LNX1: variants seen among roughly 807,000 people sequenced by gnomAD.
LNX1 encodes the protein E3 ubiquitin-protein ligase LNX.
A neutral mutation model predicts 68.4 loss-of-function variants in LNX1; 54 were observed. The ratio of observed to expected loss-of-function variants is 0.79; its 90% confidence interval spans 0.63 to 0.99. The LOEUF (loss-of-function observed/expected upper bound fraction) is 0.99, where lower values mean the gene tolerates loss of function less well. Ranked by LOEUF, LNX1 falls within the 50% of genes least tolerant of loss-of-function variation. The probability of loss-of-function intolerance (pLI) is 0.00; values close to 1 mark genes in which losing one functional copy is unlikely to be tolerated. For missense variants in LNX1, 906 were observed against 926.4 expected, an observed-to-expected ratio of 0.98 and a Z score of 0.29; for synonymous variants, 336 against 350.0, an observed-to-expected ratio of 0.96 and a Z score of 0.45.
intron 2 of LNX1, among the ~76,000 whole-genome samples, chr4:53,541,323 CAA>C (rs202114434): frequency 6.6e-6 from 1 of 151,174 alleles, no homozygotes; most frequent in Non-Finnish European, 1.5e-5. Flanking sequence ...AAGATCATGT[CAA>C]AAAAAAGAGG....
chr4:53,490,520 T>C (rs986303162), intron 6 of LNX1, among the ~76,000 whole-genome samples: 4 of 149,032 alleles, frequency 2.7e-5, no homozygotes, highest in Non-Finnish European at 6.0e-5. Flanking sequence ...AGGCTGCTGC[T>C]GAGTAAGCTG....
rs1721837650 is a variant in LNX1, at chr4:53,460,685, A to C, written c.*222T>G. The C allele has an allele frequency of 2.1e-6, 1 of 475,700 alleles. No individual in the cohort carries two copies. The highest frequency in any genetic ancestry group is 3.6e-6 in the Non-Finnish European group (1 of 274,180). The allele number at this position is 475,700 out of a possible 1,614,324, so 29.5% of individuals were successfully genotyped here. A position where few individuals can be genotyped will look rare whatever the true frequency, so the allele number is the denominator to read the frequency against. On this transcript the variant is annotated 3_prime_UTR_variant, in exon 11 of 11. Transcript: ENST00000263925. ...AGAAAAAATATAAACAATGTTGTAG[A>C]GTAATGAGAAATCCTCCACACTGAA...
At position 53,527,441 on chromosome 4, in the gene LNX1, C is replaced by A. The variant is rs79272461; in HGVS notation, c.381-19214G>T. On this transcript the variant is annotated intron_variant, in intron 2 of 10. Transcript: ENST00000263925. ...GTGAGTTTGCATGAATTCCCCCACA[C>A]CCATAATTAGTCTCTACGAGCCTGG... Among the ~76,000 whole-genome samples the A allele has an allele frequency of 4.9e-3, 749 of 152,266 alleles. 7 individuals are homozygous for A. The highest frequency in any genetic ancestry group is 0.017 in the African/African-American group (707 of 41,554).
At chr4:53,511,279 G>A (rs1726314976) in intron 2 of LNX1, among the ~76,000 whole-genome samples, 1 of 152,208 alleles carries the variant, frequency 6.6e-6, no homozygotes, top group South Asian at 2.1e-4. Context: ...TATCTCTTTT[G>A]TGGTGACTAA....
intron 6 of LNX1, among the ~76,000 whole-genome samples, chr4:53,494,577 C>A (rs764809077): frequency 5.3e-5 from 8 of 152,206 alleles, no homozygotes; most frequent in Non-Finnish European, 1.2e-4. Context: ...CCTGCGCCTG[C>A]ATCAGCATCA....
chr4:53,612,103 A>C (rs942247536), intron 2 of LNX1, among the ~76,000 whole-genome samples: 1 of 152,254 alleles, frequency 6.6e-6, no homozygotes, highest in African/African-American at 2.4e-5. Flanking sequence ...AGAAAAGCAC[A>C]TACGAAGGGT....
chr4:53,572,203 C>A (rs879244444), intron 2 of LNX1, among the ~76,000 whole-genome samples: 1 of 152,134 alleles, frequency 6.6e-6, no homozygotes, highest in African/African-American at 2.4e-5. Context: ...TCTTTCCCAC[C>A]AACGTCTCCC....
intron 1 of LNX1, among the ~76,000 whole-genome samples, chr4:53,649,987 G>A (rs1735032296): frequency 6.6e-6 from 1 of 152,178 alleles, no homozygotes; most frequent in Non-Finnish European, 1.5e-5. Flanking sequence ...AAAAGGAGCA[G>A]GGACTGCCCA....
chr4:53,468,621 G>C (rs1722886715), intron 9 of LNX1, among the ~76,000 whole-genome samples: 1 of 152,032 alleles, frequency 6.6e-6, no homozygotes, highest in Non-Finnish European at 1.5e-5. Flanking sequence ...ACACACATAG[G>C]CTCAAATAAA....
intron 2 of LNX1, among the ~76,000 whole-genome samples, chr4:53,542,639 C>T (rs1434383541): frequency 1.3e-5 from 2 of 151,992 alleles, no homozygotes; most frequent in African/African-American, 4.8e-5. Context: ...GGTACATCTG[C>T]AATTAGAGAA....
intron 9 of LNX1, among the ~76,000 whole-genome samples, chr4:53,466,667 C>T (rs1722707338): frequency 1.3e-5 from 2 of 152,250 alleles, no homozygotes; most frequent in Admixed American, 1.3e-4. Flanking sequence ...ATGGGCTTAA[C>T]AAACAGCACA....
At chr4:53,501,990 C>T (rs1725539437) in intron 4 of LNX1, 1 of 152,160 alleles carries the variant, frequency 6.6e-6, no homozygotes, top group African/African-American at 2.4e-5. Flanking sequence ...TGTTCACTAC[C>T]CCCAAATCAA....
chr4:53,636,179 C>CTTT (rs11440722), intron 1 of LNX1, among the ~76,000 whole-genome samples: 1,100 of 85,124 alleles, frequency 0.013, 7 homozygotes, highest in South Asian at 0.031. Flanking sequence ...TCTATTACTC[C>CTTT]TTTTTTTTTT....
intron 1 of LNX1, among the ~76,000 whole-genome samples, chr4:53,581,091 C>T (rs1426432146): frequency 6.6e-6 from 1 of 152,062 alleles, no homozygotes; most frequent in African/African-American, 2.4e-5. Flanking sequence ...GTGTCCCCAC[C>T]CCACCCCCAA....
rs7672747 is a variant in LNX1 at position 53,625,447 on chromosome 4, C to T, written c.-215+26721G>A. Among the ~76,000 whole-genome samples, 711 of 152,054 alleles carry T rather than the reference C, an allele frequency of 4.7e-3. 6 individuals are homozygous for T. The highest frequency in any genetic ancestry group is 0.016 in the African/African-American group (678 of 41,474). On this transcript the variant is annotated intron_variant, in intron 1 of 2. Transcript: ENST00000507168. ...AATCCAAAGAAAGTGCACAAAGGGT[C>T]AATAAGCACATGAAAAGATGTTCAA...
chr4:53,492,879 C>G (rs1393692217), intron 6 of LNX1, among the ~76,000 whole-genome samples: 15 of 152,080 alleles, frequency 9.9e-5, no homozygotes, highest in Non-Finnish European at 1.5e-5. Flanking sequence ...AGATATGAAG[C>G]AGGCATCTGG....
At chr4:53,570,646 C>G (rs1417463697) in intron 2 of LNX1, among the ~76,000 whole-genome samples, 1 of 144,828 alleles carries the variant, frequency 6.9e-6, no homozygotes, top group South Asian at 2.2e-4. Flanking sequence ...CACATGTACC[C>G]TAAAACTTAA....
intron 1 of LNX1, among the ~76,000 whole-genome samples, chr4:53,643,150 TC>T (rs1319078358): frequency 6.6e-6 from 1 of 151,916 alleles, no homozygotes; most frequent in African/African-American, 2.4e-5. Flanking sequence ...GAAATCTTGG[TC>T]TTTTTTTTTT....
intron 5 of LNX1, among the ~76,000 whole-genome samples, chr4:53,497,461 C>G (rs1376012121): frequency 6.6e-6 from 1 of 152,216 alleles, no homozygotes; most frequent in Admixed American, 6.5e-5. Flanking sequence ...GCTCCAGAGG[C>G]TCCCTCATGC....
Sources: gnomAD v4.1 joint callset for allele counts (sites outside exome capture counted in the v4.1 genomes callset) on GRCh38, gnomAD v4.1.1 for gene constraint, MANE v1.5 for transcripts, NCBI Gene and HGNC (gene_info 2026-07-23, HGNC 2026-07-21) for gene names.